The following DAB1 variants were observed in gnomAD, a reference collection of about 807,000 sequenced individuals.
DAB1 encodes the protein disabled homolog 1.
DAB1 carries 15 observed loss-of-function variants against 64.6 expected under a neutral mutation model. That is an observed-to-expected ratio of 0.23 (90% CI 0.16 to 0.36). The LOEUF is 0.36. Ranked by LOEUF, DAB1 falls within the 10% of genes least tolerant of loss-of-function variation. The pLI, the probability that DAB1 is intolerant of heterozygous loss-of-function variation, is 1.00. For missense variants in DAB1, 596 were observed against 706.7 expected, an observed-to-expected ratio of 0.84 and a Z score of 1.78; for synonymous variants, 235 against 251.9, an observed-to-expected ratio of 0.93 and a Z score of 0.64.
intron 5 of DAB1, among the ~76,000 whole-genome samples, chr1:57,923,716 CA>C (rs1644841276): frequency 1.3e-5 from 2 of 152,154 alleles, no homozygotes; most frequent in Non-Finnish European, 2.9e-5. Context: ...AGGGCTGAAA[CA>C]AGAACCTCAA....
chr1:58,190,780 C>A (rs941847177), intron 4 of DAB1, among the ~76,000 whole-genome samples: 2 of 152,190 alleles, frequency 1.3e-5, no homozygotes, highest in African/African-American at 4.8e-5. Context: ...AATAGCAAAT[C>A]GGCAAGACCG....
chr1:57,402,067 G>A (rs1683285874), intron 1 of DAB1, among the ~76,000 whole-genome samples: 1 of 152,022 alleles, frequency 6.6e-6, no homozygotes, highest in African/African-American at 2.4e-5. Flanking sequence ...TGAAAATGAG[G>A]TAAAAAAAGA....
At chr1:57,622,968 C>T (rs1365296500) in intron 7 of DAB1, among the ~76,000 whole-genome samples, 1 of 152,146 alleles carries the variant, frequency 6.6e-6, no homozygotes, top group Non-Finnish European at 1.5e-5. Flanking sequence ...CTGTTGTCTC[C>T]ATGTCTGAAT....
chr1:58,117,282 A>G (rs1412715269), intron 5 of DAB1, among the ~76,000 whole-genome samples: 1 of 152,230 alleles, frequency 6.6e-6, no homozygotes, highest in Non-Finnish European at 1.5e-5. Context: ...TATAATTAAC[A>G]GTGTCTTACT....
chr1:58,350,300 G>C (rs78541850), intron 3 of DAB1, among the ~76,000 whole-genome samples: 1 of 152,090 alleles, frequency 6.6e-6, no homozygotes, highest in South Asian at 2.1e-4. Flanking sequence ...TTTTGATGGG[G>C]TTGTTTGTTT....
chr1:57,710,550 AAAGTTGACTTAAAACCTATGTCCCC>A (rs1228978392), intron 6 of DAB1, among the ~76,000 whole-genome samples: 3 of 152,148 alleles, frequency 2.0e-5, no homozygotes, highest in African/African-American at 7.2e-5. Flanking sequence ...CGGTTTTCCC[AAAGTTGACTTAAAACCTATGTCCCC>A]AAGTTGTTGC....
rs1234783725 is a variant in DAB1 at position 57,331,144 on chromosome 1, A to AT, written c.-136-39979dup. On this transcript the variant is annotated intron_variant, in intron 1 of 14. Transcript: ENST00000371236. ...ACCTAAAAAGTAAATGCTATATTGTATTTTTTTTGACTCTCTGTATCCACA... is the reference window on the plus strand; with the variant it reads ...ACCTAAAAAGTAAATGCTATATTGTATTTTTTTTTGACTCTCTGTATCCACA... Among the ~76,000 whole-genome samples, 21 of 152,076 alleles carry AT rather than the reference A, an allele frequency of 1.4e-4. No individual in the cohort carries two copies. The East Asian group carries it at 1.7e-3, about 13-fold the overall frequency.
chr1:57,099,887 G>T (rs548291107), intron 4 of DAB1, among the ~76,000 whole-genome samples: 1 of 152,348 alleles, frequency 6.6e-6, no homozygotes, highest in African/African-American at 2.4e-5. Flanking sequence ...AAGTGAGCCA[G>T]ATGTGCAGAC....
chr1:57,377,498 C>T (rs2100957904), intron 1 of DAB1, among the ~76,000 whole-genome samples: 1 of 152,226 alleles, frequency 6.6e-6, no homozygotes, highest in Middle Eastern at 3.4e-3. Context: ...TTCTTATGCA[C>T]ATAAACATTG....
chr1:57,751,898 G>T (rs145466133), intron 6 of DAB1, among the ~76,000 whole-genome samples: 4 of 152,250 alleles, frequency 2.6e-5, no homozygotes, highest in African/African-American at 7.2e-5. Flanking sequence ...AATTGAATGC[G>T]ATCAGTTCTG....
chr1:58,080,401 G>A (rs1439508727), intron 5 of DAB1: 1 of 152,174 alleles, frequency 6.6e-6, no homozygotes, highest in Non-Finnish European at 1.5e-5. Context: ...AGCCCAGTCA[G>A]GTAAGCACCC....
At chr1:57,106,930 T>C (rs1655216810) in intron 4 of DAB1, among the ~76,000 whole-genome samples, 1 of 152,132 alleles carries the variant, frequency 6.6e-6, no homozygotes, top group Admixed American at 6.5e-5. Flanking sequence ...GCTACATCTA[T>C]TGGGGTCTCA....
chr1:57,612,260 G>A (rs144782131), intron 7 of DAB1, among the ~76,000 whole-genome samples: 1 of 151,870 alleles, frequency 6.6e-6, no homozygotes, highest in Admixed American at 6.6e-5. Flanking sequence ...GTTGTTCACT[G>A]TCTGTCCCTG....
chr1:58,374,694 T>C (rs1224062131), intron 3 of DAB1, among the ~76,000 whole-genome samples: 254 of 139,488 alleles, frequency 1.8e-3, no homozygotes, highest in African/African-American at 6.5e-3. Context: ...AACTTTAAAG[T>C]AGTTTTTTCC....
chr1:58,426,079 A>G (rs1266690410), intron 3 of DAB1, among the ~76,000 whole-genome samples: 2 of 152,236 alleles, frequency 1.3e-5, no homozygotes, highest in East Asian at 1.9e-4. Context: ...ACTTTGCCAC[A>G]TCTTTGCTTT....
At chr1:57,412,905 A>G (rs762139603) in intron 1 of DAB1, among the ~76,000 whole-genome samples, 1 of 152,232 alleles carries the variant, frequency 6.6e-6, no homozygotes, top group Non-Finnish European at 1.5e-5. Flanking sequence ...TAGACAAAAC[A>G]GCCTTATATT....
intron 3 of DAB1, among the ~76,000 whole-genome samples, chr1:58,441,699 C>T (rs780458062): frequency 1.1e-4 from 17 of 152,178 alleles, no homozygotes; most frequent in Non-Finnish European, 4.4e-5. Flanking sequence ...TGCAAGATGT[C>T]CTCCTGGTAG....
At chr1:57,357,513 T>G in intron 1 of DAB1, among the ~76,000 whole-genome samples, 1 of 132,082 alleles carries the variant, frequency 7.6e-6, no homozygotes, top group Admixed American at 8.0e-5. Context: ...GATCTTCACC[T>G]TCTTCCTTTT....
intron 6 of DAB1, among the ~76,000 whole-genome samples, chr1:57,748,186 T>C (rs1570792130): frequency 1.3e-5 from 2 of 152,190 alleles, no homozygotes; most frequent in South Asian, 2.1e-4. Context: ...ATGTAAAATA[T>C]GTCCTCTGGG....
Sources: allele counts gnomAD v4.1 joint callset (sites outside exome capture counted in the v4.1 genomes callset), GRCh38; gene constraint gnomAD v4.1.1; transcripts MANE v1.5; gene names NCBI Gene and HGNC (gene_info 2026-07-23, HGNC 2026-07-21).